RHOT1: variants seen among roughly 807,000 people sequenced by gnomAD.
The protein encoded by RHOT1 is mitochondrial Rho GTPase 1.
A neutral mutation model predicts 95.3 loss-of-function variants in RHOT1; 27 were observed. The ratio of observed to expected loss-of-function variants is 0.28; its 90% confidence interval spans 0.21 to 0.39. The LOEUF is 0.39. Ranked by LOEUF, RHOT1 falls within the 10% of genes least tolerant of loss-of-function variation. RHOT1 has a pLI of 1.00. For missense variants in RHOT1, 578 were observed against 786.7 expected (o/e 0.73, Z 3.17); for synonymous variants, 227 against 263.5 (o/e 0.86, Z 1.34).
intron 8 of RHOT1, among the ~76,000 whole-genome samples, chr17:32,185,595 A>G (rs899417925): frequency 7.3e-5 from 11 of 150,958 alleles, no homozygotes; most frequent in Non-Finnish European, 1.5e-4. Context: ...TTAGTAGAAG[A>G]TGGGGTTTCA....
chr17:32,202,746 G>A, intron 14 of RHOT1, 24 bp from the exon 15 acceptor site: 1 of 1,532,956 alleles, frequency 6.5e-7, no homozygotes, highest in Non-Finnish European at 8.8e-7. Flanking sequence ...ATTTAGTGGG[G>A]TTTTTTATTA....
At chr17:32,222,853 G>A in intron 19 of RHOT1, 11 of 985,818 alleles carry the variant, frequency 1.1e-5, no homozygotes, top group Non-Finnish European at 1.3e-5. Flanking sequence ...CTCTGTAGAA[G>A]ATTCCATCTT....
chr17:32,152,591 GA>G (rs200439732), intron 1 of RHOT1, among the ~76,000 whole-genome samples: 3 of 147,080 alleles, frequency 2.0e-5, no homozygotes, highest in Non-Finnish European at 3.0e-5. Flanking sequence ...CTTCTGCTCT[GA>G]AAAAAAAAAG....
At chr17:32,174,622 A>G (rs1482791620) in intron 3 of RHOT1, among the ~76,000 whole-genome samples, 2 of 152,256 alleles carry the variant, frequency 1.3e-5, no homozygotes, top group African/African-American at 4.8e-5. Flanking sequence ...ATAAAATACC[A>G]TTGAATTCAT....
intron 1 of RHOT1, among the ~76,000 whole-genome samples, chr17:32,153,731 TG>T (rs2032603184): frequency 6.6e-6 from 1 of 152,110 alleles, no homozygotes. Context: ...TCCATGCTGG[TG>T]GTAGTTGTGA....
chr17:32,153,896 A>G (rs143675409), intron 1 of RHOT1, among the ~76,000 whole-genome samples: 3 of 152,330 alleles, frequency 2.0e-5, no homozygotes, highest in East Asian at 3.9e-4. Flanking sequence ...AATAAATTAC[A>G]TAAAGTACAG....
At chr17:32,167,164 T>C (rs1312782454) in intron 1 of RHOT1, among the ~76,000 whole-genome samples, 2 of 152,164 alleles carry the variant, frequency 1.3e-5, no homozygotes, top group Non-Finnish European at 2.9e-5. Flanking sequence ...ACCAGGTGTA[T>C]TGTCAGTGAG....
intron 11 of RHOT1, among the ~76,000 whole-genome samples, chr17:32,196,838 TG>T (rs1481682055): frequency 2.0e-5 from 3 of 151,960 alleles, no homozygotes; most frequent in Non-Finnish European, 4.4e-5. Context: ...GAAATGTCTT[TG>T]GGGGCCGGGT....
At chr17:32,175,891 A>T (rs2034964282) in intron 4 of RHOT1, 71 bp from the exon 5 acceptor site, 1 of 1,002,176 alleles carries the variant, frequency 1.0e-6, no homozygotes, top group Admixed American at 3.0e-5. Flanking sequence ...TATATTAATA[A>T]GTTGCTAATT....
intron 18 of RHOT1, among the ~76,000 whole-genome samples, chr17:32,210,119 G>A (rs2038026669): frequency 6.6e-6 from 1 of 152,002 alleles, no homozygotes; most frequent in Admixed American, 6.6e-5. Flanking sequence ...AGTCAGATTG[G>A]GCCAGTCTTT....
chr17:32,203,852 G>C (rs2037503627), intron 15 of RHOT1, 38 bp from the exon 16 acceptor site: 1 of 1,439,434 alleles, frequency 6.9e-7, no homozygotes, highest in Admixed American at 1.7e-5. Context: ...TTGAAAACTA[G>C]TTACTGCAGA....
At chr17:32,223,646 C>T (rs1474643570) in intron 19 of RHOT1, among the ~76,000 whole-genome samples, 1 of 151,466 alleles carries the variant, frequency 6.6e-6, no homozygotes, top group Non-Finnish European at 1.5e-5. Flanking sequence ...AACTCCTGAC[C>T]TCAGGTGATC....
chr17:32,215,047 C>G (rs1006867109), intron 19 of RHOT1, among the ~76,000 whole-genome samples: 1 of 151,702 alleles, frequency 6.6e-6, no homozygotes, highest in African/African-American at 2.4e-5. Context: ...GCTGGGACCA[C>G]AGGCATGTGC....
At chr17:32,207,889 A>G (rs1445314275) in intron 17 of RHOT1, among the ~76,000 whole-genome samples, 3 of 152,168 alleles carry the variant, frequency 2.0e-5, no homozygotes, top group East Asian at 3.8e-4. Context: ...AGGAATCAGT[A>G]TAGGTCTGTT....
rs1372908617 is a variant in RHOT1 at position 32,151,101 on chromosome 17, A to G, written c.37+8372A>G. On this transcript the variant is annotated intron_variant, in intron 1 of 19. Coordinates refer to ENST00000545287, the MANE Select transcript of RHOT1 (RefSeq NM_001033566.3). Reference sequence around the variant, plus strand: ...CCTGAGTGAAAACAGCCAGGTTATCATCTCACATCCTCTCCAATTTACCAT... The same window carrying G: ...CCTGAGTGAAAACAGCCAGGTTATCGTCTCACATCCTCTCCAATTTACCAT... 49 of 947,468 alleles carry G rather than the reference A, an allele frequency of 5.2e-5. No homozygotes were observed. The Admixed American group carries it at 8.0e-4, about 15-fold the overall frequency. 58.7% of individuals were successfully genotyped at this position (947,468 alleles called of 1,614,324 possible). A position where few individuals can be genotyped will look rare whatever the true frequency, so the allele number is the denominator to read the frequency against.
chr17:32,193,409 G>T (rs1416396862), intron 10 of RHOT1, among the ~76,000 whole-genome samples, 165 bp downstream of exon 10: 1 of 152,136 alleles, frequency 6.6e-6, no homozygotes, highest in Non-Finnish European at 1.5e-5. Flanking sequence ...ACAGGCCATT[G>T]TTGGGGATTA....
chr17:32,150,183 G>A (rs2142369209), intron 1 of RHOT1, among the ~76,000 whole-genome samples: 1 of 152,288 alleles, frequency 6.6e-6, no homozygotes, highest in African/African-American at 2.4e-5. Context: ...TAGATTTACT[G>A]AAGGATTTTT....
intron 14 of RHOT1, 140 bp downstream of exon 14, chr17:32,201,196 A>G: frequency 2.0e-6 from 1 of 499,604 alleles, no homozygotes; most frequent in Non-Finnish European, 3.5e-6. Flanking sequence ...TGATCAGATC[A>G]TTTCTTTTGT....
chr17:32,189,859 A>G (rs2036352609), intron 8 of RHOT1, among the ~76,000 whole-genome samples: 1 of 150,800 alleles, frequency 6.6e-6, no homozygotes, highest in Admixed American at 6.6e-5. Flanking sequence ...CAGCCTCCCA[A>G]GTAGCTGGGA....
Sources: gnomAD v4.1 joint callset for allele counts (sites outside exome capture counted in the v4.1 genomes callset) on GRCh38, gnomAD v4.1.1 for gene constraint, MANE v1.5 for transcripts, NCBI Gene and HGNC (gene_info 2026-07-23, HGNC 2026-07-21) for gene names.